CCDC169: variants seen among roughly 807,000 people sequenced by gnomAD.
CCDC169 encodes coiled-coil domain-containing protein 169.
A neutral mutation model predicts 36.0 loss-of-function variants in CCDC169; 30 were observed. The observed-to-expected ratio is 0.83, with a 90% CI of 0.62 to 1.13. The LOEUF (loss-of-function observed/expected upper bound fraction) is 1.13, where lower values mean the gene tolerates loss of function less well. Ranked by LOEUF, CCDC169 falls within the 50% of genes most tolerant of loss-of-function variation. The probability of loss-of-function intolerance (pLI) is 0.00; values close to 1 mark genes in which losing one functional copy is unlikely to be tolerated. For missense variants in CCDC169, 245 were observed against 245.9 expected (o/e 1.00, Z 0.03); for synonymous variants, 85 against 81.5 (o/e 1.04, Z -0.23).
At position 36,254,045 on chromosome 13, in the gene CCDC169, C is replaced by A; in HGVS notation, c.414G>T (p.Lys138Asn). The A allele has an allele frequency of 6.5e-7, 1 of 1,543,240 alleles. No individual in the cohort carries two copies. Among genetic ancestry groups the A allele is most frequent in the Non-Finnish European group, 8.7e-7 (1 of 1,144,752 alleles). Residue 138 changes from lysine to asparagine, a missense_variant and splice_region_variant, in exon 5 of 8, where the codon AAG (lysine) becomes AAT (asparagine). Transcript: ENST00000239859. ...YYALKLEQESKAYQKINNERR... is the reference protein window; with the variant it reads ...YYALKLEQESNAYQKINNERR... ...TGCTAAGTATAGAGTAAAAACAAAC[C>A]TTTGATTCTTGTTCCAGTTTAAGTG... is the stretch of plus-strand genomic sequence containing the variant.
intron 4 of CCDC169, among the ~76,000 whole-genome samples, chr13:36,263,086 G>C (rs1874798999): frequency 6.6e-6 from 1 of 152,172 alleles, no homozygotes; most frequent in Admixed American, 6.6e-5. Flanking sequence ...TGCTGAAAAG[G>C]AGTAGGAGAG....
In CCDC169 at chr13:36,231,237, T is replaced by C. The variant is rs192494063; in HGVS notation, c.601A>G (p.Lys201Glu). Residue 201 changes from lysine to glutamate, a missense_variant, in exon 8 of 8, where the codon AAA becomes GAA. Coordinates refer to ENST00000239859, the MANE Select transcript of CCDC169 (RefSeq NM_001144981.3). ...KTVSAKRGPV[K>E]KITRPNHLPE... ...AGATGGTTTGGTCTTGTAATCTTTT[T>C]TACTGGTCCTCTCTTGGCACTCACT... The C allele has an allele frequency of 3.2e-6, 5 of 1,551,368 alleles. No individual in the cohort carries two copies. Among genetic ancestry groups the C allele is most frequent in the East Asian group, 4.9e-5 (2 of 40,906 alleles).
chr13:36,260,014 C>T (rs1020150577), intron 4 of CCDC169, among the ~76,000 whole-genome samples: 4 of 152,366 alleles, frequency 2.6e-5, no homozygotes, highest in African/African-American at 9.6e-5. Context: ...TGCCCCAGCT[C>T]AGTCCCTCTC....
At chr13:36,281,777 G>C (rs1461244468) in intron 4 of CCDC169, among the ~76,000 whole-genome samples, 2 of 152,150 alleles carry the variant, frequency 1.3e-5, no homozygotes, top group East Asian at 3.9e-4. Context: ...TGAGAGGACT[G>C]CTTGAGCTCA....
chr13:36,283,563 A>G, intron 3 of CCDC169, 29 bp downstream of exon 3: 1 of 1,550,998 alleles, frequency 6.4e-7, no homozygotes, highest in South Asian at 1.2e-5. Flanking sequence ...AACTCAAATT[A>G]TAAAATGTAC....
rs1324755407 is a variant in CCDC169 at position 36,253,834 on chromosome 13, T to C, written c.437A>G (p.Glu146Gly). Reference protein sequence around the residue: ...ESKAYQKINNERRTYLAEMSQ... With the variant: ...ESKAYQKINNGRRTYLAEMSQ... ...CATTTCAGCTAGGTATGTACGGCGT[T>C]CATTGTTGATCTTCTGGTAAGCCTG... Residue 146 changes from glutamate to glycine, a missense_variant, in exon 6 of 8, where the codon GAA (glutamate) becomes GGA (glycine). Transcript: ENST00000239859. 6.4e-7 allele frequency: 1 copy of C among 1,551,262 alleles called. No homozygotes were observed. Among genetic ancestry groups the C allele is most frequent in the Admixed American group, 2.0e-5 (1 of 50,940 alleles).
At chr13:36,271,408 A>T (rs1035297803) in intron 4 of CCDC169, among the ~76,000 whole-genome samples, 1 of 152,214 alleles carries the variant, frequency 6.6e-6, no homozygotes, top group Non-Finnish European at 1.5e-5. Flanking sequence ...ACTGCTGGAT[A>T]TCTACCCAAA....
At chr13:36,228,645 C>T (rs1446844204), downstream of CCDC169, among the ~76,000 whole-genome samples, 3 of 152,110 alleles carry the variant, frequency 2.0e-5, no homozygotes, top group Admixed American at 1.3e-4. Flanking sequence ...ACCTCCTGGC[C>T]TGGCTCAAGT....
intron 7 of CCDC169, among the ~76,000 whole-genome samples, chr13:36,242,621 C>T (rs967094387): frequency 2.0e-5 from 3 of 151,400 alleles, no homozygotes. Context: ...TTCCATTTGA[C>T]CATTTATTTA....
intron 7 of CCDC169, chr13:36,240,754 T>C (rs1871707122): frequency 2.0e-6 from 1 of 491,436 alleles, no homozygotes; most frequent in African/African-American, 2.1e-5. Context: ...TCCTGTGGTA[T>C]CAGTTTTGAG....
intron 2 of CCDC169, among the ~76,000 whole-genome samples, chr13:36,293,038 C>T (rs1879092342): frequency 6.6e-6 from 1 of 152,020 alleles, no homozygotes; most frequent in Non-Finnish European, 1.5e-5. Context: ...TCTCTTTTTT[C>T]TTTGAAAGAA....
intron 4 of CCDC169, among the ~76,000 whole-genome samples, chr13:36,270,337 C>T (rs1480972872): frequency 6.6e-6 from 1 of 152,078 alleles, no homozygotes; most frequent in Non-Finnish European, 1.5e-5. Flanking sequence ...TGAAAAGGAC[C>T]ATATTGCCCA....
chr13:36,243,760 C>T lies in CCDC169; in HGVS notation c.545+4846G>A, dbSNP rs975485307. ...GGCAGAGGTTGCAGTGAGCCAAGATCGCGCCATGGCACTACAGCCTGGGCA... is the reference window on the plus strand; with the variant it reads ...GGCAGAGGTTGCAGTGAGCCAAGATTGCGCCATGGCACTACAGCCTGGGCA... On this transcript the variant is annotated intron_variant, in intron 7 of 7. Coordinates refer to ENST00000239859, the MANE Select transcript of CCDC169 (RefSeq NM_001144981.3). Among the ~76,000 whole-genome samples the T allele has an allele frequency of 5.3e-5, 8 of 152,082 alleles. No homozygotes were observed. In the East Asian group the frequency reaches 5.8e-4, roughly 11 times the overall value.
chr13:36,264,730 G>A (rs555721792), intron 4 of CCDC169, among the ~76,000 whole-genome samples: 4 of 152,192 alleles, frequency 2.6e-5, no homozygotes, highest in Admixed American at 6.5e-5. Context: ...TCCTTGTCTC[G>A]TAGCCTAATT....
intron 7 of CCDC169, among the ~76,000 whole-genome samples, chr13:36,239,951 T>TA (rs947645689): frequency 2.0e-5 from 3 of 152,196 alleles, no homozygotes; most frequent in Admixed American, 2.0e-4. Context: ...TATGCTGTTA[T>TA]AATTAAGTTG....
rs745490666 is a variant in CCDC169, at chr13:36,254,274, A to AATTTTTTTTTTTTTTT, written c.316-132_316-131insAAAAAAAAAAAAAAAT. 5.1e-6 allele frequency: 2 copies of AATTTTTTTTTTTTTTT among 393,704 alleles called. 1 individual carries two copies. Among genetic ancestry groups the AATTTTTTTTTTTTTTT allele is most frequent in the African/African-American group, 4.4e-5 (2 of 45,770 alleles). 24.4% of individuals were successfully genotyped at this position (393,704 alleles called of 1,614,324 possible). The stretch of plus-strand genomic sequence containing the variant: ...GTGATTTCATAATTCTATGATATGT[A>AATTTTTTTTTTTTTTT]CTTTTTTTTTTTTTTTTTTTAGACA... On this transcript the variant is annotated intron_variant, in intron 4 of 7. Transcript: ENST00000239859.
chr13:36,225,733 C>T (rs1278902673), downstream of CCDC169: 1 of 151,770 alleles, frequency 6.6e-6, no homozygotes, highest in Non-Finnish European at 1.5e-5. Flanking sequence ...GAAACTGAAA[C>T]AACTCAGCAA....
At chr13:36,256,038 C>A (rs1483526146) in intron 4 of CCDC169, among the ~76,000 whole-genome samples, 1 of 152,206 alleles carries the variant, frequency 6.6e-6, no homozygotes, top group Non-Finnish European at 1.5e-5. Context: ...TCCAGCCTTT[C>A]CTTCTCCTTC....
At chr13:36,245,999 C>G (rs1250384247) in intron 7 of CCDC169, among the ~76,000 whole-genome samples, 1 of 152,152 alleles carries the variant, frequency 6.6e-6, no homozygotes, top group East Asian at 1.9e-4. Flanking sequence ...GAGCCATAAA[C>G]CAAGCCCATA....
Sources: gnomAD v4.1 joint callset for allele counts (sites outside exome capture counted in the v4.1 genomes callset) on GRCh38, gnomAD v4.1.1 for gene constraint, MANE v1.5 for transcripts, NCBI Gene and HGNC (gene_info 2026-07-23, HGNC 2026-07-21) for gene names.